The following SMARCA5 variants were observed in gnomAD, a reference collection of about 807,000 sequenced individuals.
SMARCA5 encodes the protein SNF2 related chromatin remodeling ATPase 5.
SMARCA5 carries 18 observed loss-of-function variants against 140.4 expected under a neutral mutation model. The ratio of observed to expected loss-of-function variants is 0.13; its 90% CI spans 0.09 to 0.19. The LOEUF (loss-of-function observed/expected upper bound fraction) is 0.19, where lower values mean the gene tolerates loss of function less well. SMARCA5 is among the 10% of genes least tolerant of loss of function. The probability of loss-of-function intolerance (pLI) is 1.00; values close to 1 mark genes in which losing one functional copy is unlikely to be tolerated. For missense variants in SMARCA5, 606 were observed against 1,276.8 expected (o/e 0.47, Z 8.01); for synonymous variants, 449 against 419.6 (o/e 1.07, Z -0.86).
chr4:143,525,324 C>G (rs1737047029), intron 4 of SMARCA5, 127 bp from the exon 5 acceptor site: 1 of 654,636 alleles, frequency 1.5e-6, no homozygotes, highest in Non-Finnish European at 2.7e-6. Context: ...TTGGAACTTG[C>G]AGAGTTCCTA....
intron 17 of SMARCA5, 145 bp downstream of exon 17, chr4:143,544,992 G>A (rs1029841530): frequency 5.6e-6 from 3 of 534,966 alleles, no homozygotes; most frequent in Non-Finnish European, 9.8e-6. Context: ...CTGTTACCAG[G>A]AGTTCAGTGG....
At chr4:143,530,919 G>C (rs1270024729) in intron 9 of SMARCA5, among the ~76,000 whole-genome samples, 1 of 152,142 alleles carries the variant, frequency 6.6e-6, no homozygotes, top group Non-Finnish European at 1.5e-5. Flanking sequence ...GGCTCAAGCA[G>C]TCTCTCCCCA....
rs1408008172 is a variant in SMARCA5, at chr4:143,547,519, ATAAGT to A, written c.2772+19_2772+23del. 2 of 1,311,738 alleles carry A rather than the reference ATAAGT, an allele frequency of 1.5e-6. No individual in the cohort carries two copies. Among genetic ancestry groups the A allele is most frequent in the Non-Finnish European group, 1.1e-6 (1 of 905,736 alleles). The allele number at this position is 1,311,738 out of a possible 1,614,324, so 81.3% of individuals were successfully genotyped here. A position where few individuals can be genotyped will look rare whatever the true frequency, so the allele number is the denominator to read the frequency against. ...TGACACAAAGGTAATTTGCTTGTTA[ATAAGT>A]TAGGTAGTTAATAAAATAACTCCTA... On this transcript the variant is annotated intron_variant, in intron 21 of 23. Transcript: ENST00000283131.
chr4:143,552,936 T>C (rs1737674076), intron 23 of SMARCA5, among the ~76,000 whole-genome samples, 183 bp from the exon 24 acceptor site: 1 of 104,646 alleles, frequency 9.6e-6, no homozygotes, highest in South Asian at 3.0e-4. Flanking sequence ...GTAAGTAAAA[T>C]AAGTAGGTAA....
chr4:143,541,739 C>A (rs112521829), intron 14 of SMARCA5, among the ~76,000 whole-genome samples: 75 of 152,136 alleles, frequency 4.9e-4, no homozygotes, highest in African/African-American at 1.6e-3. Flanking sequence ...AGGCTGCCAC[C>A]CCGTGATGTT....
intron 23 of SMARCA5, among the ~76,000 whole-genome samples, chr4:143,552,722 T>G (rs948759960): frequency 3.3e-5 from 5 of 152,012 alleles, no homozygotes; most frequent in African/African-American, 1.2e-4. Context: ...TAATAATAGT[T>G]AATTTAATAA....
At chr4:143,535,017 A>G in intron 10 of SMARCA5, 53 bp downstream of exon 10, 2 of 1,250,982 alleles carry the variant, frequency 1.6e-6, no homozygotes. Flanking sequence ...CCTAAATTTC[A>G]TGTGTATTTT....
chr4:143,553,100 T>A lies in SMARCA5; in HGVS notation c.3094-19T>A, dbSNP rs1358871811. 8.1e-6 allele frequency: 13 copies of A among 1,597,220 alleles called. No individual in the cohort carries two copies. Among genetic ancestry groups the A allele is most frequent in the South Asian group, 1.1e-5 (1 of 90,708 alleles). The stretch of plus-strand genomic sequence containing the variant: ...TTTATATTAGTCTTGTGAAAAGTAA[T>A]CCTTCTGTCTGTTTGTAGACACAGA... On this transcript the variant is annotated intron_variant, in intron 23 of 23. Transcript: ENST00000283131.
In SMARCA5 at chr4:143,536,745, T is replaced by C. The variant is rs142543023; in HGVS notation, c.1495+67T>C. On this transcript the variant is annotated intron_variant, in intron 11 of 23. Transcript: ENST00000283131. ...TGCTCATGTTAAAACAAAGGAGCAC[T>C]GTACTTTGAAATGACTGCTCTGATG... is the stretch of plus-strand genomic sequence containing the variant. The C allele has an allele frequency of 1.8e-5, 20 of 1,126,300 alleles. No homozygotes were observed. In the African/African-American group the frequency reaches 2.3e-4, roughly 13 times the overall value. 69.8% of individuals were successfully genotyped at this position (1,126,300 alleles called of 1,614,324 possible).
At chr4:143,528,879 T>C (rs1737126248) in intron 8 of SMARCA5, among the ~76,000 whole-genome samples, 165 bp downstream of exon 8, 1 of 152,198 alleles carries the variant, frequency 6.6e-6, no homozygotes, top group Non-Finnish European at 1.5e-5. Flanking sequence ...GTTGTCTCTG[T>C]ATAATGGGAA....
intron 10 of SMARCA5, 129 bp from the exon 11 acceptor site, chr4:143,536,323 C>T (rs1737304088): frequency 3.1e-6 from 2 of 654,076 alleles, no homozygotes; most frequent in South Asian, 3.8e-5. Flanking sequence ...CTAACCATAC[C>T]TAGAAGTTGA....
intron 8 of SMARCA5, among the ~76,000 whole-genome samples, chr4:143,529,329 G>A (rs1421344407): frequency 1.3e-5 from 2 of 152,242 alleles, no homozygotes; most frequent in Non-Finnish European, 1.5e-5. Context: ...TGTTTCAGTG[G>A]CTCTAGGTTG....
chr4:143,553,097 T>G, intron 23 of SMARCA5, 22 bp from the exon 24 acceptor site: 1 of 1,593,364 alleles, frequency 6.3e-7, no homozygotes, highest in Non-Finnish European at 8.6e-7. Context: ...TTGTGAAAAG[T>G]AATCCTTCTG....
At position 143,527,914 on chromosome 4, in the gene SMARCA5, G is replaced by A; in HGVS notation, c.848G>A (p.Cys283Tyr). Residue 283 changes from cysteine to tyrosine, a missense_variant, in exon 7 of 24, where the codon TGT becomes TAT. This residue lies in a region of SMARCA5 where 110 missense variants were observed against 287.7 expected (regional missense o/e 0.38). Coordinates refer to ENST00000283131, the MANE Select transcript of SMARCA5 (RefSeq NM_003601.4). ...TTATTACCGGGAGAATGGGATGTAT[G>A]TGTAACATCTTATGAAATGCTTATT... ...DVLLPGEWDV[C>Y]VTSYEMLIKE... 3.7e-6 allele frequency: 6 copies of A among 1,601,348 alleles called. No homozygotes were observed. The highest frequency in any genetic ancestry group is 5.1e-6 in the Non-Finnish European group (6 of 1,176,670).
chr4:143,544,208 A>G (rs186846624), intron 16 of SMARCA5: 64 of 264,826 alleles, frequency 2.4e-4, no homozygotes, highest in Admixed American at 4.1e-4. Flanking sequence ...ACAGTGAAAT[A>G]TATTCTTGTA....
chr4:143,543,963 A>G lies in SMARCA5; in HGVS notation c.2163A>G (p.Glu721=), dbSNP rs766393822. ...VYNFEGEDYR[E]KQKIAFTEWI... ...ACTTCGAAGGAGAAGACTATAGAGAAAAACAAAAGGTAATTTAGAAATAGG... is the reference window on the plus strand; with the variant it reads ...ACTTCGAAGGAGAAGACTATAGAGAGAAACAAAAGGTAATTTAGAAATAGG... Residue 721 remains glutamate, a synonymous_variant, in exon 16 of 24, where the codon GAA becomes GAG. Transcript: ENST00000283131. 6.4e-7 allele frequency: 1 copy of G among 1,562,644 alleles called. No homozygotes were observed. The highest frequency in any genetic ancestry group is 8.6e-7 in the Non-Finnish European group (1 of 1,156,878).
Position 143,546,009 on chromosome 4 carries a change from G to T in SMARCA5, c.2482G>T (p.Asp828Tyr). The change falls in exon 19 of 24, where the codon GAT becomes TAT. Residue 828 changes from aspartate to tyrosine, a missense_variant. Coordinates refer to ENST00000283131, the MANE Select transcript of SMARCA5 (RefSeq NM_003601.4). ...LKIDEAESLN[D>Y]EELEEKEKLL... Reference sequence around the variant, plus strand: ...AATTGATGAAGCTGAATCCCTTAATGATGAAGAGTTAGAGGAAAAAGAGAA... The same window carrying T: ...AATTGATGAAGCTGAATCCCTTAATTATGAAGAGTTAGAGGAAAAAGAGAA... The T allele has an allele frequency of 6.2e-7, 1 of 1,610,512 alleles. No individual in the cohort carries two copies. Among genetic ancestry groups the T allele is most frequent in the South Asian group, 1.1e-5 (1 of 90,648 alleles).
rs1736766568 is a variant in SMARCA5 at position 143,514,072 on chromosome 4, A to G, written c.148A>G (p.Ser50Gly). The change falls in exon 1 of 24, where the codon AGC becomes GGC. Residue 50 changes from serine (S) to glycine (G), a missense_variant. Physicochemically the swap from Ser to Gly is moderately conservative, Grantham distance 56. Transcript: ENST00000283131. ...VAAQAVASAA[S>G]AGPADAEMEE... is the part of the protein sequence containing the mutation. ...GGCGCAGGCGGTTGCGTCTGCGGCC[A>G]GCGCTGGTCCCGCAGACGCCGAGAT... 2 of 1,477,652 alleles carry G rather than the reference A, an allele frequency of 1.4e-6. No homozygotes were observed. Among genetic ancestry groups the G allele is most frequent in the Non-Finnish European group, 1.8e-6 (2 of 1,111,800 alleles). The allele number at this position is 1,477,652 out of a possible 1,614,324, so 91.5% of individuals were successfully genotyped here.
rs1457823973 is a variant in SMARCA5 at position 143,513,795 on chromosome 4, GGGGAGCGCTCGGGT to G, written c.-124_-111del. 4 of 1,107,396 alleles carry G rather than the reference GGGGAGCGCTCGGGT, an allele frequency of 3.6e-6. No homozygotes were observed. The African/African-American group carries it at 6.4e-5, about 18-fold the overall frequency. The allele number at this position is 1,107,396 out of a possible 1,614,324, so 68.6% of individuals were successfully genotyped here. ...AGGCCCGTCGCGGAGGCGCGGCGCA[GGGGAGCGCTCGGGT>G]GGGAGTCTCGCTCCTCCACCAGTTT... is the stretch of plus-strand genomic sequence containing the variant. On this transcript the variant is annotated 5_prime_UTR_variant, in exon 1 of 24. Coordinates refer to ENST00000283131, the MANE Select transcript of SMARCA5 (RefSeq NM_003601.4).
Sources: gnomAD v4.1 joint callset for allele counts (sites outside exome capture counted in the v4.1 genomes callset) on GRCh38, gnomAD v4.1.1 for gene constraint, gnomAD v4.1.1 regional missense constraint, MANE v1.5 for transcripts, NCBI Gene and HGNC (gene_info 2026-07-23, HGNC 2026-07-21) for gene names.